LRRTM4: variants seen among roughly 807,000 people sequenced by gnomAD.
LRRTM4 encodes the protein leucine rich repeat transmembrane neuronal 4.
In LRRTM4, 25 loss-of-function variants were observed where a neutral mutation model predicts 47.6. The ratio of observed to expected loss-of-function variants is 0.53; its 90% CI spans 0.38 to 0.73. The LOEUF is 0.73. Among genes scored for constraint, LRRTM4 ranks in the 30% least tolerant of loss-of-function variants. The pLI is 0.00. For synonymous variants in LRRTM4, 311 were observed against 269.5 expected, an observed-to-expected ratio of 1.15 and a Z score of -1.51; for missense variants, 638 against 713.4, an observed-to-expected ratio of 0.89 and a Z score of 1.20.
intron 3 of LRRTM4, among the ~76,000 whole-genome samples, chr2:77,371,051 C>T (rs944260342): frequency 6.6e-6 from 1 of 151,682 alleles, no homozygotes; most frequent in South Asian, 2.1e-4. Flanking sequence ...GAACTCAACT[C>T]TTGCAAATCA....
intron 3 of LRRTM4, among the ~76,000 whole-genome samples, chr2:76,787,314 G>A (rs1378727178): frequency 1.3e-5 from 2 of 152,074 alleles, no homozygotes; most frequent in African/African-American, 4.8e-5. Flanking sequence ...TATATAGCCT[G>A]CTATTACTGG....
intron 3 of LRRTM4, among the ~76,000 whole-genome samples, chr2:76,912,160 C>T (rs906015004): frequency 6.6e-6 from 1 of 152,024 alleles, no homozygotes; most frequent in Non-Finnish European, 1.5e-5. Flanking sequence ...ACCTTGTGAT[C>T]CCCCCGCCTC....
intron 3 of LRRTM4, among the ~76,000 whole-genome samples, chr2:77,358,992 T>C (rs1191152114): frequency 6.6e-6 from 1 of 152,216 alleles, no homozygotes; most frequent in Non-Finnish European, 1.5e-5. Context: ...GAAAGAATTT[T>C]ACATTTTAAT....
chr2:77,166,409 C>T (rs1174034759), intron 3 of LRRTM4, among the ~76,000 whole-genome samples: 1 of 152,070 alleles, frequency 6.6e-6, no homozygotes, highest in African/African-American at 2.4e-5. Context: ...CAATGTCATC[C>T]CCATCAAGCT....
intron 3 of LRRTM4, among the ~76,000 whole-genome samples, chr2:76,916,403 A>AAAAAAAAAAG (rs1674251119): frequency 2.2e-5 from 3 of 138,582 alleles, no homozygotes; most frequent in East Asian, 2.8e-4. Flanking sequence ...AAAAAAAAAA[A>AAAAAAAAAAG]AAAAGAAAAG....
intron 3 of LRRTM4, among the ~76,000 whole-genome samples, chr2:76,807,438 G>GTATATACATATATATATATACATATA (rs1386836724): frequency 4.9e-4 from 32 of 65,174 alleles, no homozygotes; most frequent in African/African-American, 1.1e-3. Flanking sequence ...ATATATATAC[G>GTATATACATATATATATATACATATA]TATATACATA....
At chr2:76,818,933 ATAGTTTTACTAGTAAAGTTATAC>A (rs2103851219) in intron 3 of LRRTM4, among the ~76,000 whole-genome samples, 1 of 151,908 alleles carries the variant, frequency 6.6e-6, no homozygotes, top group South Asian at 2.1e-4. Flanking sequence ...GTCAGTTTTA[ATAGTTTTACTAGTAAAGTTATAC>A]TAGTTTTACT....
intron 3 of LRRTM4, among the ~76,000 whole-genome samples, chr2:77,440,420 GA>G (rs377477252): frequency 0.012 from 1,831 of 150,280 alleles, 38 homozygotes; most frequent in African/African-American, 0.041. Flanking sequence ...CCTCAAAAAA[GA>G]AAAAAAAACT....
chr2:77,255,981 T>C (rs1228379979), intron 3 of LRRTM4, among the ~76,000 whole-genome samples: 2 of 151,848 alleles, frequency 1.3e-5, no homozygotes, highest in African/African-American at 4.8e-5. Flanking sequence ...GTAACAAAAT[T>C]TGGTTCTTTG....
chr2:77,493,145 A>C (rs1678234377), intron 3 of LRRTM4, among the ~76,000 whole-genome samples: 1 of 152,120 alleles, frequency 6.6e-6, no homozygotes, highest in Non-Finnish European at 1.5e-5. Context: ...GCATGTACTT[A>C]ACACTGTACT....
chr2:77,139,055 C>A (rs1672036655), intron 3 of LRRTM4, among the ~76,000 whole-genome samples: 1 of 152,140 alleles, frequency 6.6e-6, no homozygotes, highest in South Asian at 2.1e-4. Context: ...CAAGGAGGAG[C>A]TGGTACCATT....
Position 77,434,447 on chromosome 2 carries a change from TAA to T in LRRTM4, c.1551+83869_1551+83870del, listed in dbSNP as rs35369430. Among the ~76,000 whole-genome samples, 305 of 145,016 alleles carry T rather than the reference TAA, an allele frequency of 2.1e-3. 1 individual carries two copies. The highest frequency in any genetic ancestry group is 5.9e-3 in the African/African-American group (236 of 39,866). On this transcript the variant is annotated intron_variant, in intron 3 of 3. Transcript: ENST00000409884. ...GAGAAAATAATAACACTTGATCTGT[TAA>T]AAAAAAAAAAAACTAATGGATTGAG...
At chr2:77,077,734 GAAAT>G (rs1398868550) in intron 3 of LRRTM4, among the ~76,000 whole-genome samples, 1 of 152,060 alleles carries the variant, frequency 6.6e-6, no homozygotes, top group East Asian at 1.9e-4. Flanking sequence ...ATGTTTTTGG[GAAAT>G]AAATCCCCAA....
intron 3 of LRRTM4, among the ~76,000 whole-genome samples, chr2:76,995,668 T>C (rs1446726): frequency 6.6e-6 from 1 of 151,992 alleles, no homozygotes; most frequent in Non-Finnish European, 1.5e-5. Context: ...CTGGAGGGAA[T>C]AGAGATGTCC....
chr2:76,969,440 T>A (rs1462506421), intron 3 of LRRTM4, among the ~76,000 whole-genome samples: 1 of 151,882 alleles, frequency 6.6e-6, no homozygotes, highest in Non-Finnish European at 1.5e-5. Context: ...GAAATACAAC[T>A]CTGGAAAAGT....
chr2:76,880,676 C>G lies in LRRTM4; in HGVS notation c.1552-131760G>C, dbSNP rs148971462. Among the ~76,000 whole-genome samples, 4 of 152,212 alleles carry G rather than the reference C, an allele frequency of 2.6e-5. No individual in the cohort carries two copies. The East Asian group carries it at 7.7e-4, about 29-fold the overall frequency. On this transcript the variant is annotated intron_variant, in intron 3 of 3. Transcript: ENST00000409884. ...AAACCTCTGTGGGGCCAGAAGAAGT[C>G]AGGTGTTTCAAACTGATTCGATCCC...
intron 3 of LRRTM4, among the ~76,000 whole-genome samples, chr2:76,802,436 A>C (rs1326309099): frequency 6.6e-6 from 1 of 152,114 alleles, no homozygotes; most frequent in Non-Finnish European, 1.5e-5. Flanking sequence ...CTATATACTG[A>C]AAACAAAAAT....
intron 3 of LRRTM4, among the ~76,000 whole-genome samples, chr2:77,356,483 A>G (rs1408415003): frequency 6.6e-6 from 1 of 152,228 alleles, no homozygotes; most frequent in Non-Finnish European, 1.5e-5. Flanking sequence ...ATGCAGAAGT[A>G]TCAAAGGGAA....
At chr2:76,975,332 T>A (rs966745556) in intron 3 of LRRTM4, among the ~76,000 whole-genome samples, 6 of 151,812 alleles carry the variant, frequency 4.0e-5, no homozygotes, top group African/African-American at 1.4e-4. Context: ...CTTCACTTGC[T>A]CACTATGGAT....
Sources: allele counts gnomAD v4.1 joint callset (sites outside exome capture counted in the v4.1 genomes callset), GRCh38; gene constraint gnomAD v4.1.1; transcripts MANE v1.5; gene names NCBI Gene and HGNC (gene_info 2026-07-23, HGNC 2026-07-21).